Variants in STIL observed in about 807,000 individuals in gnomAD.
The protein encoded by STIL is STIL centriolar assembly protein, also known as SCL-interrupting locus protein.
STIL carries 55 observed loss-of-function variants against 110.1 expected under a neutral mutation model. That is an observed-to-expected ratio of 0.50 (90% CI 0.40 to 0.63). STIL has a LOEUF of 0.63. Among genes scored for constraint, STIL ranks in the 20% least tolerant of loss-of-function variants. STIL has a pLI of 0.00. For synonymous variants in STIL, 481 were observed against 530.0 expected (o/e 0.91, Z 1.27); for missense variants, 1,358 against 1,530.0 (o/e 0.89, Z 1.87).
chr1:47,284,925 G>A (rs1305952681), intron 10 of STIL, among the ~76,000 whole-genome samples: 1 of 151,300 alleles, frequency 6.6e-6, no homozygotes, highest in African/African-American at 2.4e-5. Context: ...CTTCCTGGAG[G>A]GAAAAGGAAT....
intron 12 of STIL, among the ~76,000 whole-genome samples, chr1:47,272,596 T>C (rs1001448491): frequency 6.6e-6 from 1 of 151,984 alleles, no homozygotes; most frequent in Admixed American, 6.6e-5. Flanking sequence ...ATGACAGCCA[T>C]GCACCACCAT....
At position 47,280,732 on chromosome 1, in the gene STIL, A is replaced by G; in HGVS notation, c.1726T>C (p.Phe576Leu). The G allele has an allele frequency of 6.2e-7, 1 of 1,614,042 alleles. No homozygotes were observed. Among genetic ancestry groups the G allele is most frequent in the Non-Finnish European group, 8.5e-7 (1 of 1,179,938 alleles). ...APQSQPHDFV[F>L]SPHNSGRPME... is the part of the protein sequence containing the mutation. ...GGTCTTCCTGAATTATGGGGTGAAA[A>G]AACAAAATCGTGTGGTTGGGACTGC... The change falls in exon 12 of 17, where the codon TTT becomes CTT. Residue 576 changes from phenylalanine to leucine, a missense_variant. By Grantham distance (22) the Phe-to-Leu change is conservative (BLOSUM62 0). Transcript: ENST00000371877.
At chr1:47,277,540 A>G (rs1645028056) in intron 12 of STIL, among the ~76,000 whole-genome samples, 1 of 152,150 alleles carries the variant, frequency 6.6e-6, no homozygotes, top group East Asian at 1.9e-4. Flanking sequence ...TACTGGATGG[A>G]AGTGGTATGT....
At chr1:47,271,076 C>T (rs889056455) in intron 13 of STIL, among the ~76,000 whole-genome samples, 4 of 151,980 alleles carry the variant, frequency 2.6e-5, no homozygotes, top group Non-Finnish European at 4.4e-5. Context: ...TCTTTTTTTA[C>T]TGAGCCTCAT....
At chr1:47,290,983 C>T (rs967364238) in intron 8 of STIL, among the ~76,000 whole-genome samples, 1 of 152,154 alleles carries the variant, frequency 6.6e-6, no homozygotes, top group Non-Finnish European at 1.5e-5. Context: ...ACACTTAACA[C>T]ATCCTTTGCC....
chr1:47,257,217 C>T (rs561272202), intron 16 of STIL, among the ~76,000 whole-genome samples: 6 of 152,282 alleles, frequency 3.9e-5, no homozygotes, highest in Admixed American at 1.3e-4. Context: ...TGAAACAATG[C>T]GAATTAATCA....
intron 12 of STIL, among the ~76,000 whole-genome samples, chr1:47,276,573 C>T (rs534592811): frequency 4.6e-5 from 7 of 151,570 alleles, no homozygotes; most frequent in Non-Finnish European, 5.9e-5. Context: ...TCTGGGAGGC[C>T]GAGGCAGGTG....
intron 8 of STIL, among the ~76,000 whole-genome samples, chr1:47,290,033 T>C (rs1470962366): frequency 1.3e-5 from 2 of 151,916 alleles, no homozygotes; most frequent in Non-Finnish European, 2.9e-5. Flanking sequence ...TGATCAGTAA[T>C]TGATAATAAA....
intron 12 of STIL, among the ~76,000 whole-genome samples, chr1:47,279,170 C>A (rs1197393302): frequency 2.0e-5 from 3 of 151,696 alleles, no homozygotes; most frequent in African/African-American, 7.3e-5. Context: ...ATAGTCCCAG[C>A]TACTCCGGCG....
intron 5 of STIL, 83 bp from the exon 6 acceptor site, chr1:47,300,235 A>G: frequency 1.6e-6 from 2 of 1,283,312 alleles, no homozygotes; most frequent in Non-Finnish European, 2.2e-6. Flanking sequence ...TGATACATAT[A>G]CATATATAAT....
chr1:47,284,027 A>T (rs1327447792), intron 10 of STIL: 1 of 152,058 alleles, frequency 6.6e-6, no homozygotes, highest in Non-Finnish European at 1.5e-5. Flanking sequence ...GCGTCCGAGG[A>T]GCTCAGACTA....
rs1402949933 is a variant in STIL at position 47,280,926 on chromosome 1, T to C, written c.1532A>G (p.Tyr511Cys). ...CCTGGTATGGGGGTTCCCTTTCTTATAGGCAGGTGGCTGTCTTACTTTGCA... is the reference window on the plus strand; with the variant it reads ...CCTGGTATGGGGGTTCCCTTTCTTACAGGCAGGTGGCTGTCTTACTTTGCA... ...RHCKVRQPPA[Y>C]KKGNPHTRNS... Residue 511 changes from tyrosine to cysteine, a missense_variant, in exon 12 of 17, where the codon TAT becomes TGT. Coordinates refer to ENST00000371877, the MANE Select transcript of STIL (RefSeq NM_001048166.1). The C allele has an allele frequency of 5.0e-6, 8 of 1,614,068 alleles. No homozygotes were observed. The highest frequency in any genetic ancestry group is 4.2e-6 in the Non-Finnish European group (5 of 1,180,042).
At chr1:47,289,248 G>T (rs1037051606) in intron 9 of STIL, among the ~76,000 whole-genome samples, 187 bp downstream of exon 9, 2 of 152,084 alleles carry the variant, frequency 1.3e-5, no homozygotes, top group South Asian at 2.1e-4. Context: ...TTGAAGATAT[G>T]ATCTCAGATT....
rs758666401 is a variant in STIL at position 47,281,157 on chromosome 1, T to G, written c.1301A>C (p.Asn434Thr). The G allele has an allele frequency of 1.9e-6, 3 of 1,613,852 alleles. No homozygotes were observed. In the South Asian group the frequency reaches 3.3e-5, roughly 18 times the overall value. Residue 434 changes from asparagine to threonine, a missense_variant, in exon 12 of 17, where the codon AAT (asparagine) becomes ACT (threonine). Asn to Thr is a moderately conservative substitution (Grantham distance 65, BLOSUM62 0). Coordinates refer to ENST00000371877, the MANE Select transcript of STIL (RefSeq NM_001048166.1). ...AGGCAGAGGGTTTGATTCTATGAAATTGCCATCCAACACAAGTGAAAGTTC... is the reference window on the plus strand; with the variant it reads ...AGGCAGAGGGTTTGATTCTATGAAAGTGCCATCCAACACAAGTGAAAGTTC... ...VPELSLVLDG[N>T]FIESNPLPTP...
intron 16 of STIL, among the ~76,000 whole-genome samples, chr1:47,253,553 T>C (rs919227348): frequency 1.3e-5 from 2 of 152,202 alleles, no homozygotes; most frequent in African/African-American, 4.8e-5. Flanking sequence ...AGATTTGAGC[T>C]ATTTTTTCCA....
chr1:47,275,118 C>T (rs934390939), intron 12 of STIL, among the ~76,000 whole-genome samples: 4 of 150,804 alleles, frequency 2.7e-5, no homozygotes, highest in Non-Finnish European at 5.9e-5. Flanking sequence ...TGCCCTCCAG[C>T]CTGGGTTACA....
chr1:47,294,879 A>T (rs1036151154), intron 7 of STIL, among the ~76,000 whole-genome samples: 4 of 152,130 alleles, frequency 2.6e-5, no homozygotes, highest in African/African-American at 9.7e-5. Context: ...CTGAAGAAAC[A>T]GGGCTCTAAG....
At chr1:47,269,330 T>A (rs1447075273) in intron 14 of STIL, among the ~76,000 whole-genome samples, 4 of 152,112 alleles carry the variant, frequency 2.6e-5, no homozygotes, top group Non-Finnish European at 5.9e-5. Context: ...AAATATATCA[T>A]TTCTGAGTTA....
At chr1:47,281,305 T>G in intron 11 of STIL, 96 bp from the exon 12 acceptor site, 1 of 1,229,122 alleles carries the variant, frequency 8.1e-7, no homozygotes, top group South Asian at 1.5e-5. Flanking sequence ...TTATATCTAA[T>G]TACATATTAA....
Sources: allele counts gnomAD v4.1 joint callset (sites outside exome capture counted in the v4.1 genomes callset), GRCh38; gene constraint gnomAD v4.1.1; transcripts MANE v1.5; gene names NCBI Gene and HGNC (gene_info 2026-07-23, HGNC 2026-07-21).